PSEN1: variants seen among roughly 807,000 people sequenced by gnomAD.
The protein encoded by PSEN1 is presenilin 1, also known as presenilin-1.
Under a neutral mutation model 53.5 loss-of-function variants are expected in PSEN1, and 15 were observed. The observed-to-expected ratio is 0.28, with a 90% CI of 0.19 to 0.43. The LOEUF (loss-of-function observed/expected upper bound fraction) is 0.43. Among genes scored for constraint, PSEN1 ranks in the 20% least tolerant of loss-of-function variants. PSEN1 has a pLI of 1.00. For missense variants in PSEN1, 387 were observed against 571.2 expected, an observed-to-expected ratio of 0.68 and a Z score of 3.29; for synonymous variants, 208 against 209.8, an observed-to-expected ratio of 0.99 and a Z score of 0.08.
intron 5 of PSEN1, among the ~76,000 whole-genome samples, chr14:73,181,103 G>C (rs1456756570): frequency 6.6e-6 from 1 of 152,152 alleles, no homozygotes; most frequent in Non-Finnish European, 1.5e-5. Context: ...AGGTTCAATT[G>C]TGGGTTTATC....
Position 73,219,474 on chromosome 14 carries a change from G to T in PSEN1, c.*185G>T. The T allele has an allele frequency of 1.5e-6, 1 of 672,628 alleles. No individual in the cohort carries two copies. The highest frequency in any genetic ancestry group is 2.6e-6 in the Non-Finnish European group (1 of 384,654). 41.7% of individuals were successfully genotyped at this position (672,628 alleles called of 1,614,324 possible). On this transcript the variant is annotated 3_prime_UTR_variant, in exon 12 of 12. Transcript: ENST00000324501. ...TGGACTTTGGAAGGAGGTGCCTATA[G>T]AAAACGATTTTGAACATACTTCATC... is the stretch of plus-strand genomic sequence containing the variant.
intron 7 of PSEN1, among the ~76,000 whole-genome samples, chr14:73,197,238 G>T (rs17125555): frequency 0.11 from 17,314 of 152,096 alleles, 1,171 homozygotes; most frequent in African/African-American, 0.19. Flanking sequence ...CGGCCTATAT[G>T]CTGAATTTTC....
chr14:73,184,749 C>A (rs1258883670), intron 5 of PSEN1, among the ~76,000 whole-genome samples: 1 of 150,712 alleles, frequency 6.6e-6, no homozygotes, highest in Admixed American at 6.6e-5. Flanking sequence ...GGGGCTGACC[C>A]CCCCCACCTC....
intron 1 of PSEN1, among the ~76,000 whole-genome samples, chr14:73,140,883 G>A (rs1896906951): frequency 1.3e-5 from 2 of 152,194 alleles, no homozygotes; most frequent in African/African-American, 4.8e-5. Context: ...TTCAGAGCAT[G>A]TATTCTCACT....
At chr14:73,206,284 A>G (rs1420263244) in intron 8 of PSEN1, 102 bp from the exon 9 acceptor site, 2 of 818,868 alleles carry the variant, frequency 2.4e-6, no homozygotes, top group Non-Finnish European at 4.3e-6. Context: ...TTAAGGCAGC[A>G]TTAGGAAGAC....
intron 3 of PSEN1, among the ~76,000 whole-genome samples, chr14:73,153,305 G>A (rs975964885): frequency 2.0e-5 from 3 of 152,140 alleles, no homozygotes; most frequent in African/African-American, 4.8e-5. Context: ...AATCTCTTAG[G>A]CACAAATATT....
chr14:73,218,354 T>G (rs1417444614), intron 11 of PSEN1, among the ~76,000 whole-genome samples: 2 of 152,158 alleles, frequency 1.3e-5, no homozygotes, highest in Non-Finnish European at 2.9e-5. Flanking sequence ...CATAAAGTGC[T>G]GGGATTACAG....
chr14:73,168,363 A>C (rs1163890657), intron 3 of PSEN1: 1 of 152,392 alleles, frequency 6.6e-6, no homozygotes, highest in Non-Finnish European at 1.5e-5. Flanking sequence ...TCAAAAAAAA[A>C]AAAACAAAAA....
intron 6 of PSEN1, among the ~76,000 whole-genome samples, chr14:73,188,727 G>A (rs1898607800): frequency 6.6e-6 from 1 of 152,168 alleles, no homozygotes; most frequent in Non-Finnish European, 1.5e-5. Context: ...GAAGCTAGAA[G>A]CTTGCCTATT....
rs1291232384 is a variant in PSEN1, at chr14:73,222,578, G to GA, written c.*3295dup. ...AGAAAAAGAGCTCAGAAACCACTATGAAAAAATTTGTTCAGTGTTTTCTGT... is the reference window on the plus strand; with the variant it reads ...AGAAAAAGAGCTCAGAAACCACTATGAAAAAAATTTGTTCAGTGTTTTCTGT... On this transcript the variant is annotated 3_prime_UTR_variant, in exon 12 of 12. Coordinates refer to ENST00000324501, the MANE Select transcript of PSEN1 (RefSeq NM_000021.4). 3.9e-5 allele frequency: 6 copies of GA among 152,154 alleles called. No individual in the cohort carries two copies. Among genetic ancestry groups the GA allele is most frequent in the Admixed American group, 6.5e-5 (1 of 15,274 alleles). 9.4% of individuals were successfully genotyped at this position (152,154 alleles called of 1,614,324 possible). A position where few individuals can be genotyped will look rare whatever the true frequency, so the allele number is the denominator to read the frequency against.
rs1419244298 is a variant in PSEN1 at position 73,151,912 on chromosome 14, T to A, written c.87+3806T>A. Among the ~76,000 whole-genome samples, 15 of 103,638 alleles carry A rather than the reference T, an allele frequency of 1.4e-4. No homozygotes were observed. The East Asian group carries it at 1.7e-3, about 11-fold the overall frequency. 68.0% of individuals were successfully genotyped at this position (103,638 alleles called of 152,430 possible). A position where few individuals can be genotyped will look rare whatever the true frequency, so the allele number is the denominator to read the frequency against. On this transcript the variant is annotated intron_variant, in intron 3 of 11. Coordinates refer to ENST00000324501, the MANE Select transcript of PSEN1 (RefSeq NM_000021.4). ...TATATATATTTTTTTTTTTTTTTTT[T>A]TTTTTTTTTTTTTTTTTGAGACGGA...
In PSEN1 at chr14:73,223,666, A is replaced by T. The variant is rs1882694362; in HGVS notation, c.*4377A>T. The T allele has an allele frequency of 6.6e-6, 1 of 152,220 alleles. No homozygotes were observed. Among genetic ancestry groups the T allele is most frequent in the African/African-American group, 2.4e-5 (1 of 41,454 alleles). The allele number at this position is 152,220 out of a possible 1,614,324, so 9.4% of individuals were successfully genotyped here. On this transcript the variant is annotated 3_prime_UTR_variant, in exon 12 of 12. Coordinates refer to ENST00000324501, the MANE Select transcript of PSEN1 (RefSeq NM_000021.4). ...TGATTGCAGATTTTCTGTATTTGTC[A>T]GATTAATAAAGACTGCATGAATCCA...
chr14:73,159,572 GT>G (rs1006351284), intron 3 of PSEN1, among the ~76,000 whole-genome samples: 2 of 152,118 alleles, frequency 1.3e-5, no homozygotes, highest in African/African-American at 4.8e-5. Context: ...TTTCAGCACT[GT>G]TTTTTAAAAA....
At chr14:73,144,037 T>C (rs1897000386) in intron 1 of PSEN1, among the ~76,000 whole-genome samples, 1 of 52,722 alleles carries the variant, frequency 1.9e-5, no homozygotes, top group Non-Finnish European at 4.6e-5. Flanking sequence ...TAGCTTATCT[T>C]TTTTTTTTTT....
At chr14:73,209,314 T>C (rs1899585644) in intron 9 of PSEN1, among the ~76,000 whole-genome samples, 1 of 152,162 alleles carries the variant, frequency 6.6e-6, no homozygotes, top group Admixed American at 6.5e-5. Context: ...CCACTCCAGA[T>C]GGGCCGCTGC....
chr14:73,165,617 G>T (rs1476605993), intron 3 of PSEN1, among the ~76,000 whole-genome samples: 1 of 151,562 alleles, frequency 6.6e-6, no homozygotes. Flanking sequence ...GCATGGTGGC[G>T]CATGCCTGTA....
At chr14:73,140,543 G>A (rs532912129) in intron 1 of PSEN1, among the ~76,000 whole-genome samples, 61 of 151,992 alleles carry the variant, frequency 4.0e-4, no homozygotes, top group African/African-American at 1.4e-3. Context: ...AGCAAAATCT[G>A]GCCTAGTTAT....
At chr14:73,166,828 A>G (rs1327897356) in intron 3 of PSEN1, among the ~76,000 whole-genome samples, 1 of 152,026 alleles carries the variant, frequency 6.6e-6, no homozygotes, top group Non-Finnish European at 1.5e-5. Context: ...TTTCCTTTCC[A>G]TTTCTCATAG....
At chr14:73,198,511 C>T (rs919734817) in intron 8 of PSEN1, among the ~76,000 whole-genome samples, 4 of 152,042 alleles carry the variant, frequency 2.6e-5, no homozygotes, top group Non-Finnish European at 2.9e-5. Flanking sequence ...TGAGCAGAGC[C>T]GTGCCTTTGT....
Sources: gnomAD v4.1 joint callset for allele counts (sites outside exome capture counted in the v4.1 genomes callset) on GRCh38, gnomAD v4.1.1 for gene constraint, MANE v1.5 for transcripts, NCBI Gene and HGNC (gene_info 2026-07-23, HGNC 2026-07-21) for gene names.